Variants in HEXA observed in about 807,000 individuals in gnomAD.
HEXA encodes the protein hexosaminidase subunit alpha.
A neutral mutation model predicts 73.3 loss-of-function variants in HEXA; 54 were observed. That is an observed-to-expected ratio of 0.74 (90% CI 0.59 to 0.92). The LOEUF (loss-of-function observed/expected upper bound fraction) is 0.92. Among genes scored for constraint, HEXA ranks in the 40% least tolerant of loss-of-function variants. The pLI is 0.00. For synonymous variants in HEXA, 230 were observed against 246.9 expected (o/e 0.93, Z 0.64); for missense variants, 649 against 653.0 (o/e 0.99, Z 0.07).
chr15:72,351,420 A>C (rs954154784), intron 5 of HEXA, 186 bp from the exon 6 acceptor site: 2 of 662,566 alleles, frequency 3.0e-6, no homozygotes, highest in East Asian at 5.4e-5. Flanking sequence ...CATGGAGGGA[A>C]GGCCCAGCAC....
At chr15:72,355,863 C>T in intron 2 of HEXA, 5 of 580,986 alleles carry the variant, frequency 8.6e-6, no homozygotes, top group Non-Finnish European at 1.6e-5. Flanking sequence ...TGATGATGTA[C>T]AGCAAGAGTC....
chr15:72,357,818 G>T, intron 1 of HEXA: 1 of 152,198 alleles, frequency 6.6e-6, no homozygotes, highest in Non-Finnish European at 1.5e-5. Context: ...TCAGCTCTTT[G>T]GTCTGCCAAG....
Position 72,375,979 on chromosome 15 carries a change from C to G in HEXA, c.-7G>C. The stretch of plus-strand genomic sequence containing the variant: ...AAAGCCTGGAGCTTGTCATGGCCCG[C>G]TGGTCTCCCCTCTCGGAGGGGGCTG... On this transcript the variant is annotated 5_prime_UTR_variant, in exon 1 of 14. Coordinates refer to ENST00000268097, the MANE Select transcript of HEXA (RefSeq NM_000520.6). 1 of 1,612,906 alleles carries G rather than the reference C, an allele frequency of 6.2e-7. No homozygotes were observed. Among genetic ancestry groups the G allele is most frequent in the South Asian group, 1.1e-5 (1 of 91,072 alleles).
intron 1 of HEXA, among the ~76,000 whole-genome samples, chr15:72,364,606 A>G (rs1302357937): frequency 6.6e-6 from 1 of 152,158 alleles, no homozygotes; most frequent in African/African-American, 2.4e-5. Flanking sequence ...ATGCTAGGCC[A>G]CAGGTAAGAA....
At chr15:72,346,422 T>C in intron 11 of HEXA, 97 bp from the exon 12 acceptor site, 1 of 1,499,118 alleles carries the variant, frequency 6.7e-7, no homozygotes, top group African/African-American at 1.4e-5. Context: ...CCAGCTAAGT[T>C]GTTTCATTTA....
chr15:72,352,900 G>C (rs1421978662), intron 5 of HEXA, among the ~76,000 whole-genome samples, 168 bp downstream of exon 5: 1 of 152,162 alleles, frequency 6.6e-6, no homozygotes, highest in African/African-American at 2.4e-5. Flanking sequence ...CTGACTTCAG[G>C]TGATCCGCCC....
rs760781092 is a variant in HEXA, at chr15:72,356,559, A to C, written c.312T>G (p.Cys104Trp). 6.2e-7 allele frequency: 1 copy of C among 1,614,128 alleles called. No individual in the cohort carries two copies. The highest frequency in any genetic ancestry group is 1.1e-5 in the South Asian group (1 of 91,084). Residue 104 changes from cysteine to tryptophan, a missense_variant, in exon 2 of 14, where the codon TGT becomes TGG. By Grantham distance (215) the Cys-to-Trp change is radical. Coordinates refer to ENST00000268097, the MANE Select transcript of HEXA (RefSeq NM_000520.6). ...CTGACTCCAAAGTAGGAAGCTGGTTACATCCAGGTGTGACTACAGAGACAA... is the reference window on the plus strand; with the variant it reads ...CTGACTCCAAAGTAGGAAGCTGGTTCCATCCAGGTGTGACTACAGAGACAA... ...VLVVSVVTPG[C>W]NQLPTLESVE...
chr15:72,358,050 C>T (rs1436568095), intron 1 of HEXA: 1 of 152,374 alleles, frequency 6.6e-6, no homozygotes, highest in African/African-American at 2.4e-5. Context: ...GCAAAGACCA[C>T]ACTCAAGGCA....
In HEXA at chr15:72,346,692, T is replaced by C. The variant is rs777212186; in HGVS notation, c.1165A>G (p.Ile389Val). 2.7e-5 allele frequency: 44 copies of C among 1,614,006 alleles called. No homozygotes were observed. Among genetic ancestry groups the C allele is most frequent in the South Asian group, 9.9e-5 (9 of 91,078 alleles). ...NKVKIQPDTIIQVWREDIPVN... is the reference protein window; with the variant it reads ...NKVKIQPDTIVQVWREDIPVN... Reference sequence around the variant, plus strand: ...GGAATATCCTCTCGCCACACCTGTATGATTGTGTCTGGCTGAATCTGTTAT... The same window carrying C: ...GGAATATCCTCTCGCCACACCTGTACGATTGTGTCTGGCTGAATCTGTTAT... Residue 389 changes from isoleucine (I) to valine (V), a missense_variant, in exon 11 of 14, where the codon ATA (isoleucine) becomes GTA (valine). Transcript: ENST00000268097.
At chr15:72,344,453 T>C (rs1325760364) in intron 13 of HEXA, among the ~76,000 whole-genome samples, 1 of 152,148 alleles carries the variant, frequency 6.6e-6, no homozygotes, top group Admixed American at 6.6e-5. Context: ...TCAATCCCTT[T>C]AGAATATAGA....
At chr15:72,351,264 A>ATGGGT in intron 5 of HEXA, 30 bp from the exon 6 acceptor site, 5 of 1,386,614 alleles carry the variant, frequency 3.6e-6, no homozygotes, top group South Asian at 1.2e-5. Context: ...CTGTGAACCC[A>ATGGGT]TCACAGTCTC....
At chr15:72,346,739 GAC>G (rs2088620594) in intron 10 of HEXA, 29 bp from the exon 11 acceptor site, 4 of 1,608,400 alleles carry the variant, frequency 2.5e-6, no homozygotes, top group Non-Finnish European at 3.4e-6. Context: ...TGGCAGTAAG[GAC>G]ACAAAGCTGA....
intron 5 of HEXA, among the ~76,000 whole-genome samples, 192 bp downstream of exon 5, chr15:72,352,876 C>G (rs1445187409): frequency 6.6e-6 from 1 of 152,178 alleles, no homozygotes; most frequent in East Asian, 1.9e-4. Flanking sequence ...GTTGGCCAGG[C>G]TGGCCTTGAA....
chr15:72,361,462 C>T (rs1425999039), intron 1 of HEXA, among the ~76,000 whole-genome samples: 1 of 152,214 alleles, frequency 6.6e-6, no homozygotes, highest in Non-Finnish European at 1.5e-5. Context: ...AGGCCAATGA[C>T]TCCCAAATCT....
At chr15:72,352,949 C>G in intron 5 of HEXA, 119 bp downstream of exon 5, 1 of 713,830 alleles carries the variant, frequency 1.4e-6, no homozygotes, top group Non-Finnish European at 2.6e-6. Context: ...CAGGCATGAG[C>G]CACCACACCC....
At chr15:72,371,355 C>T (rs2088989143) in intron 1 of HEXA, among the ~76,000 whole-genome samples, 2 of 152,038 alleles carry the variant, frequency 1.3e-5, no homozygotes, top group Non-Finnish European at 2.9e-5. Flanking sequence ...ACCTGTAATC[C>T]CAACACTTTG....
At chr15:72,349,965 T>C (rs1277741619) in intron 7 of HEXA, among the ~76,000 whole-genome samples, 4 of 152,304 alleles carry the variant, frequency 2.6e-5, no homozygotes, top group Admixed American at 1.3e-4. Flanking sequence ...AGTTTCACCA[T>C]GTTGGCCAGG....
chr15:72,357,544 T>A (rs138526463), intron 1 of HEXA: 2 of 152,268 alleles, frequency 1.3e-5, no homozygotes, highest in African/African-American at 4.8e-5. Flanking sequence ...TCTGGTGTTA[T>A]AGCCCCAAGC....
chr15:72,349,251 C>T lies in HEXA; in HGVS notation c.814G>A (p.Gly272Arg). 4 of 1,613,856 alleles carry T rather than the reference C, an allele frequency of 2.5e-6. No homozygotes were observed. Among genetic ancestry groups the T allele is most frequent in the Non-Finnish European group, 3.4e-6 (4 of 1,179,864 alleles). ...CCAGAGTAGCAAGGAGTCAGTAATC[C>T]AGGGATACCTAAGCCAAGAGAAAAC... is the stretch of plus-strand genomic sequence containing the variant. ...HTLSWGPGIP[G>R]LLTPCYSGSE... is the part of the protein sequence containing the mutation. The change falls in exon 8 of 14, where the codon GGA becomes AGA. Residue 272 changes from glycine to arginine, a missense_variant. Coordinates refer to ENST00000268097, the MANE Select transcript of HEXA (RefSeq NM_000520.6).
Sources: allele counts gnomAD v4.1 joint callset (sites outside exome capture counted in the v4.1 genomes callset), GRCh38; gene constraint gnomAD v4.1.1; transcripts MANE v1.5; gene names NCBI Gene and HGNC (gene_info 2026-07-23, HGNC 2026-07-21).